ANO1: variants seen among roughly 807,000 people sequenced by gnomAD.
The protein encoded by ANO1 is anoctamin-1.
In ANO1, 59 loss-of-function variants were observed where a neutral mutation model predicts 124.0. That is an observed-to-expected ratio of 0.48 (90% CI 0.39 to 0.59). The LOEUF is 0.59. ANO1 is among the 20% of genes least tolerant of loss of function. The pLI is 0.00. For synonymous variants in ANO1, 529 were observed against 532.0 expected, an observed-to-expected ratio of 0.99 and a Z score of 0.08; for missense variants, 1,059 against 1,328.0, an observed-to-expected ratio of 0.80 and a Z score of 3.15.
chr11:70,004,841 T>G (rs1856455426), intron 1 of ANO1, among the ~76,000 whole-genome samples: 1 of 152,134 alleles, frequency 6.6e-6, no homozygotes, highest in Non-Finnish European at 1.5e-5. Flanking sequence ...GGCCGGGCGC[T>G]GTGGCTCACA....
intron 1 of ANO1, chr11:70,015,090 A>G (rs1555001758): frequency 6.6e-6 from 1 of 152,034 alleles, no homozygotes; most frequent in Non-Finnish European, 1.5e-5. Flanking sequence ...AGGGCTCGGC[A>G]GGCCACTGTC....
At chr11:70,039,740 C>T (rs1328911397) in intron 1 of ANO1, among the ~76,000 whole-genome samples, 1 of 152,176 alleles carries the variant, frequency 6.6e-6, no homozygotes, top group East Asian at 1.9e-4. Flanking sequence ...AGCATGATCG[C>T]TGTCATTTCT....
At chr11:70,087,309 T>G (rs1034487143) in intron 1 of ANO1, among the ~76,000 whole-genome samples, 2 of 152,226 alleles carry the variant, frequency 1.3e-5, no homozygotes, top group Non-Finnish European at 2.9e-5. Flanking sequence ...TATTTGTCCA[T>G]GTACAATTAA....
chr11:70,085,616 G>C (rs1360507051), intron 1 of ANO1: 2 of 1,534,954 alleles, frequency 1.3e-6, no homozygotes, highest in Non-Finnish European at 1.7e-6. Context: ...GGCCCCAACT[G>C]TCCCCTAACC....
At chr11:70,070,376 G>A (rs1220883055) in intron 1 of ANO1, among the ~76,000 whole-genome samples, 1 of 152,144 alleles carries the variant, frequency 6.6e-6, no homozygotes, top group African/African-American at 2.4e-5. Flanking sequence ...ATTTGAGGAG[G>A]TAGAGGTATA....
chr11:70,179,987 ACTT>A lies in ANO1; in HGVS notation c.2351-9_2351-7del, dbSNP rs1400086742. 4 of 1,610,134 alleles carry A rather than the reference ACTT, an allele frequency of 2.5e-6. No individual in the cohort carries two copies. The highest frequency in any genetic ancestry group is 1.7e-5 in the Admixed American group (1 of 59,978). Reference sequence around the variant, plus strand: ...GAGTGTAGGGCTCTTTAAAACTGTGACTTCTTCTTCCCCCAGGAATCTGGTACA... The same window carrying A: ...GAGTGTAGGGCTCTTTAAAACTGTGACTTCTTCCCCCAGGAATCTGGTACA... On this transcript the variant is annotated splice_polypyrimidine_tract_variant and intron_variant, in intron 22 of 25. Transcript: ENST00000355303.
intron 12 of ANO1, 116 bp from the exon 13 acceptor site, chr11:70,152,334 C>CAA (rs56895585): frequency 0.051 from 21,746 of 426,526 alleles, 478 homozygotes; most frequent in Non-Finnish European, 0.056. Context: ...GACTCCATCT[C>CAA]AAAAAAAAAA....
At chr11:70,010,997 A>G (rs1555001018) in intron 1 of ANO1, among the ~76,000 whole-genome samples, 1 of 152,196 alleles carries the variant, frequency 6.6e-6, no homozygotes, top group Non-Finnish European at 1.5e-5. Flanking sequence ...AGATGTCTAC[A>G]CTGCTCTGTG....
chr11:70,156,452 T>G (rs1476460845), intron 15 of ANO1, among the ~76,000 whole-genome samples: 1 of 152,202 alleles, frequency 6.6e-6, no homozygotes, highest in Non-Finnish European at 1.5e-5. Context: ...TCTGAGAGCC[T>G]TCAGGACATG....
At chr11:70,154,878 A>T (rs1300196031) in intron 14 of ANO1, among the ~76,000 whole-genome samples, 4 of 152,252 alleles carry the variant, frequency 2.6e-5, no homozygotes, top group African/African-American at 9.6e-5. Flanking sequence ...GTCTGACTTA[A>T]CACATCGGAT....
chr11:70,168,581 T>C (rs1168569443), intron 21 of ANO1, among the ~76,000 whole-genome samples: 1 of 152,048 alleles, frequency 6.6e-6, no homozygotes, highest in Admixed American at 6.5e-5. Context: ...GTGCTCAATG[T>C]GTGTTTGCTG....
chr11:70,113,225 G>A (rs1400735168), intron 7 of ANO1, among the ~76,000 whole-genome samples: 1 of 150,946 alleles, frequency 6.6e-6, no homozygotes, highest in Admixed American at 6.6e-5. Flanking sequence ...GGCCTCAGAT[G>A]GTCCCTGTCC....
intron 19 of ANO1, among the ~76,000 whole-genome samples, chr11:70,164,563 G>A (rs1297626613): frequency 6.6e-6 from 1 of 152,218 alleles, no homozygotes; most frequent in Non-Finnish European, 1.5e-5. Context: ...ACAAGTGTAG[G>A]GTTTGTTAGG....
At chr11:70,085,945 C>G (rs546366205) in intron 1 of ANO1, among the ~76,000 whole-genome samples, 1 of 152,386 alleles carries the variant, frequency 6.6e-6, no homozygotes, top group South Asian at 2.1e-4. Flanking sequence ...CCAGGGGCTC[C>G]AGGCGACCAC....
chr11:70,163,747 G>C (rs1313593182), intron 19 of ANO1, among the ~76,000 whole-genome samples: 1 of 152,004 alleles, frequency 6.6e-6, no homozygotes, highest in Non-Finnish European at 1.5e-5. Flanking sequence ...GAGCAGCCTG[G>C]CCAACATGGT....
intron 6 of ANO1, among the ~76,000 whole-genome samples, chr11:70,109,978 C>T (rs1351634998): frequency 6.6e-6 from 1 of 152,110 alleles, no homozygotes; most frequent in Non-Finnish European, 1.5e-5. Context: ...CTGAGGATTC[C>T]CGTCACCTGC....
intron 1 of ANO1, among the ~76,000 whole-genome samples, chr11:69,987,460 G>GTAAC (rs1554996985): frequency 2.0e-5 from 3 of 152,210 alleles, no homozygotes; most frequent in African/African-American, 7.2e-5. Flanking sequence ...CACACAGCCA[G>GTAAC]TAACTGATGG....
At chr11:69,990,318 T>C (rs1252344978) in intron 1 of ANO1, among the ~76,000 whole-genome samples, 1 of 152,268 alleles carries the variant, frequency 6.6e-6, no homozygotes, top group Non-Finnish European at 1.5e-5. Context: ...TTGTAGCATA[T>C]ATCAGTAATC....
At chr11:70,004,345 A>G (rs1321851401) in intron 1 of ANO1, among the ~76,000 whole-genome samples, 1 of 152,222 alleles carries the variant, frequency 6.6e-6, no homozygotes, top group African/African-American at 2.4e-5. Flanking sequence ...AGAAATTACA[A>G]TGGCTAATAT....
Sources: allele counts gnomAD v4.1 joint callset (sites outside exome capture counted in the v4.1 genomes callset), GRCh38; gene constraint gnomAD v4.1.1; transcripts MANE v1.5; gene names NCBI Gene and HGNC (gene_info 2026-07-23, HGNC 2026-07-21).